The following PRKCB variants were observed in gnomAD, a reference collection of about 807,000 sequenced individuals.
PRKCB encodes the protein protein kinase C beta type.
PRKCB carries 13 observed loss-of-function variants against 81.5 expected under a neutral mutation model. The ratio of observed to expected loss-of-function variants is 0.16; its 90% CI spans 0.10 to 0.25. The LOEUF is 0.25. Among genes scored for constraint, PRKCB ranks in the 10% least tolerant of loss-of-function variants. The pLI is 1.00. For missense variants in PRKCB, 509 were observed against 875.7 expected (o/e 0.58, Z 5.29); for synonymous variants, 335 against 321.4 (o/e 1.04, Z -0.45).
At chr16:24,099,197 T>C (rs1198375670) in intron 7 of PRKCB, 1 of 152,230 alleles carries the variant, frequency 6.6e-6, no homozygotes, top group Admixed American at 6.5e-5. Flanking sequence ...TACACAGCAC[T>C]GATCAGGTGT....
At chr16:24,093,297 G>A (rs967611829) in intron 6 of PRKCB, among the ~76,000 whole-genome samples, 1 of 152,178 alleles carries the variant, frequency 6.6e-6, no homozygotes, top group Non-Finnish European at 1.5e-5. Flanking sequence ...TACAGGGTGT[G>A]GTGACAGCCT....
chr16:23,969,620 A>G (rs377759882), intron 2 of PRKCB, among the ~76,000 whole-genome samples: 7 of 152,206 alleles, frequency 4.6e-5, no homozygotes, highest in East Asian at 3.9e-4. Context: ...CACAGTGTCT[A>G]ACACATAGTA....
chr16:23,896,902 ATCCAT>A (rs1963388099), intron 2 of PRKCB, among the ~76,000 whole-genome samples: 1 of 151,714 alleles, frequency 6.6e-6, no homozygotes, highest in South Asian at 2.1e-4. Flanking sequence ...CCATCCATCC[ATCCAT>A]CCATCCATCC....
At chr16:23,987,288 T>C (rs1964814523) in intron 2 of PRKCB, among the ~76,000 whole-genome samples, 1 of 152,162 alleles carries the variant, frequency 6.6e-6, no homozygotes, top group Non-Finnish European at 1.5e-5. Flanking sequence ...TTTGAAAATA[T>C]ACGTTTCTCG....
At chr16:23,885,457 C>T (rs939275997) in intron 2 of PRKCB, among the ~76,000 whole-genome samples, 9 of 152,068 alleles carry the variant, frequency 5.9e-5, no homozygotes, top group Admixed American at 6.6e-5. Context: ...TATAGGCGCC[C>T]GCCACCACGC....
intron 10 of PRKCB, among the ~76,000 whole-genome samples, chr16:24,159,467 A>G (rs1261928190): frequency 6.6e-6 from 1 of 152,140 alleles, no homozygotes; most frequent in African/African-American, 2.4e-5. Flanking sequence ...CTCTAGCTGT[A>G]TTATCTCATT....
At chr16:24,002,646 G>A (rs1965053952) in intron 3 of PRKCB, among the ~76,000 whole-genome samples, 1 of 152,104 alleles carries the variant, frequency 6.6e-6, no homozygotes, top group African/African-American at 2.4e-5. Context: ...GCCAGCATAG[G>A]TGTTTTTTAA....
At position 24,027,006 on chromosome 16, in the gene PRKCB, T is replaced by A. The variant is rs188313336; in HGVS notation, c.289-5130T>A. Among the ~76,000 whole-genome samples the A allele has an allele frequency of 7.9e-5, 12 of 152,246 alleles. No individual in the cohort carries two copies. In the East Asian group the frequency reaches 1.9e-3, roughly 25 times the overall value. ...CAGTCATGAACAGGGGTTCCTTTTTTATTATTATTATACTTTAAGTTCTGG... is the reference window on the plus strand; with the variant it reads ...CAGTCATGAACAGGGGTTCCTTTTTAATTATTATTATACTTTAAGTTCTGG... On this transcript the variant is annotated intron_variant, in intron 3 of 16. Transcript: ENST00000643927.
chr16:23,937,248 C>G (rs1424261925), intron 2 of PRKCB, among the ~76,000 whole-genome samples: 2 of 152,176 alleles, frequency 1.3e-5, no homozygotes, highest in East Asian at 3.8e-4. Context: ...ACAAGCTTCC[C>G]AAGCGATGCT....
intron 2 of PRKCB, among the ~76,000 whole-genome samples, chr16:23,920,555 G>C (rs752363369): frequency 5.3e-5 from 8 of 152,156 alleles, no homozygotes; most frequent in Non-Finnish European, 8.8e-5. Context: ...ACAATTTAAT[G>C]TAATTTCAGA....
At chr16:23,996,141 G>A (rs1224048033) in intron 3 of PRKCB, among the ~76,000 whole-genome samples, 1 of 152,094 alleles carries the variant, frequency 6.6e-6, no homozygotes, top group African/African-American at 2.4e-5. Context: ...GTGGGGATGA[G>A]GTGTGTGGAT....
intron 3 of PRKCB, among the ~76,000 whole-genome samples, chr16:24,031,421 G>A (rs918420898): frequency 1.3e-5 from 2 of 152,140 alleles, no homozygotes; most frequent in African/African-American, 2.4e-5. Flanking sequence ...AAGGCTCAAG[G>A]AAGTATGCAT....
At chr16:24,096,320 G>A (rs199663899) in intron 7 of PRKCB, among the ~76,000 whole-genome samples, 4 of 152,108 alleles carry the variant, frequency 2.6e-5, no homozygotes, top group South Asian at 4.2e-4. Flanking sequence ...AACTTGGCCC[G>A]AGCCCAGGAA....
Position 24,114,092 on chromosome 16 carries a change from G to A in PRKCB, c.918+1023G>A, listed in dbSNP as rs548583769. On this transcript the variant is annotated intron_variant, in intron 8 of 16. Transcript: ENST00000643927. ...AAATTAGCTAGGCATGGTGGTGCAC[G>A]CCTGTAATACCAGCTACTCGGAAGG... 4.6e-5 allele frequency among the ~76,000 whole-genome samples: 7 copies of A among 151,074 alleles called. No homozygotes were observed. In the South Asian group the frequency reaches 1.3e-3, roughly 28 times the overall value.
intron 2 of PRKCB, among the ~76,000 whole-genome samples, chr16:23,929,643 C>T (rs1031822280): frequency 2.0e-5 from 3 of 152,102 alleles, no homozygotes; most frequent in Non-Finnish European, 2.9e-5. Context: ...ACAGCTTGTT[C>T]GCTTCTGTAT....
intron 3 of PRKCB, among the ~76,000 whole-genome samples, chr16:24,017,687 T>C (rs1019873575): frequency 2.6e-5 from 4 of 152,202 alleles, no homozygotes; most frequent in African/African-American, 9.6e-5. Flanking sequence ...ACTTGAATTT[T>C]AAAACAGGCA....
intron 12 of PRKCB, among the ~76,000 whole-genome samples, chr16:24,176,488 T>A (rs1270692184): frequency 6.6e-6 from 1 of 152,244 alleles, no homozygotes; most frequent in Non-Finnish European, 1.5e-5. Flanking sequence ...ATGAACACGT[T>A]CACTATGTGT....
At chr16:24,041,731 G>A (rs536350411) in intron 5 of PRKCB, among the ~76,000 whole-genome samples, 17 of 152,166 alleles carry the variant, frequency 1.1e-4, no homozygotes, top group Non-Finnish European at 2.1e-4. Flanking sequence ...GGTGGCTCAC[G>A]TCGGTAATCC....
intron 7 of PRKCB, among the ~76,000 whole-genome samples, chr16:24,109,296 A>G (rs1479133957): frequency 4.6e-5 from 2 of 43,530 alleles, no homozygotes; most frequent in African/African-American, 1.0e-4. Context: ...TGACCCCCCC[A>G]CCTCCCTCCC....
Sources: gnomAD v4.1 joint callset for allele counts (sites outside exome capture counted in the v4.1 genomes callset) on GRCh38, gnomAD v4.1.1 for gene constraint, MANE v1.5 for transcripts, NCBI Gene and HGNC (gene_info 2026-07-23, HGNC 2026-07-21) for gene names.